Variants in HTT observed in about 807,000 individuals in gnomAD.
HTT encodes the protein huntingtin, also known as huntington disease protein.
HTT carries 104 observed loss-of-function variants against 362.3 expected under a neutral mutation model. That is an observed-to-expected ratio of 0.29 (90% confidence interval 0.24 to 0.34). The LOEUF is 0.34. HTT is among the 10% of genes least tolerant of loss of function. The pLI, the probability that HTT is intolerant of heterozygous loss-of-function variation, is 1.00. For synonymous variants in HTT, 1,577 were observed against 1,548.7 expected (o/e 1.02, Z -0.43); for missense variants, 3,301 against 3,928.6 (o/e 0.84, Z 4.27).
intron 19 of HTT, 64 bp downstream of exon 19, chr4:3,134,604 G>C (rs1205369211): frequency 1.4e-6 from 2 of 1,417,682 alleles, no homozygotes; most frequent in Non-Finnish European, 2.0e-6. Flanking sequence ...GGGATCACTT[G>C]ATGCAAGGAA....
At chr4:3,089,072 T>C (rs1713363868) in intron 2 of HTT, among the ~76,000 whole-genome samples, 1 of 152,230 alleles carries the variant, frequency 6.6e-6, no homozygotes, top group Non-Finnish European at 1.5e-5. Flanking sequence ...TTAGATAAGC[T>C]GTAACGTGTT....
chr4:3,222,427 C>T lies in HTT; in HGVS notation c.7410C>T (p.Thr2470=), dbSNP rs746168301. The T allele has an allele frequency of 1.9e-6, 3 of 1,614,158 alleles. No individual in the cohort carries two copies. Among genetic ancestry groups the T allele is most frequent in the South Asian group, 2.2e-5 (2 of 91,064 alleles). ...SRTQFEETWA[T]LLGVLVTQPL... ...CTCAGTTTGAAGAAACTTGGGCCAC[C>T]CTCCTTGGTGTCCTGGTGACGCAGC... The change falls in exon 54 of 67, where the codon ACC becomes ACT. Residue 2470 remains threonine (T), a synonymous_variant. Coordinates refer to ENST00000355072, the MANE Select transcript of HTT (RefSeq NM_001388492.1).
In HTT at chr4:3,198,215, A is replaced by ATTTTTTTTTTT. The variant is rs200014691; in HGVS notation, c.5369-1499_5369-1489dup. 6.6e-5 allele frequency among the ~76,000 whole-genome samples: 4 copies of ATTTTTTTTTTT among 60,380 alleles called. 1 individual carries two copies. Among genetic ancestry groups the ATTTTTTTTTTT allele is most frequent in the East Asian group, 5.6e-4 (1 of 1,778 alleles). 39.6% of individuals were successfully genotyped at this position (60,380 alleles called of 152,430 possible). A position where few individuals can be genotyped will look rare whatever the true frequency, so the allele number is the denominator to read the frequency against. ...ACCCTTTCACTTTGGGGATGTGTTG[A>ATTTTTTTTTTT]TTTTTTTTTTTTTTTTTTTTTTTTT... is the stretch of plus-strand genomic sequence containing the variant. On this transcript the variant is annotated intron_variant, in intron 40 of 66. Transcript: ENST00000355072.
chr4:3,223,686 C>A, intron 55 of HTT, 126 bp downstream of exon 55: 1 of 908,520 alleles, frequency 1.1e-6, no homozygotes, highest in Non-Finnish European at 1.7e-6. Flanking sequence ...AAACACCGTC[C>A]GTGTGGCCTG....
At chr4:3,112,142 T>C (rs1363498768) in intron 6 of HTT, among the ~76,000 whole-genome samples, 1 of 152,252 alleles carries the variant, frequency 6.6e-6, no homozygotes, top group Non-Finnish European at 1.5e-5. Flanking sequence ...TACATGATTT[T>C]TGTGGGGTTT....
Position 3,228,748 on chromosome 4 carries a change from T to A in HTT, c.7979+3T>A. On this transcript the variant is annotated splice_donor_region_variant and intron_variant, in intron 58 of 66. Transcript: ENST00000355072. This position sits in a 1 kb window ranked among gnomAD's most constrained non-coding sequence, Gnocchi z 4.3. ...CCCACGTCTCCAGTCAACTCCAGGTTTTCCAATGGCCTTTTTCTTTTTAAC... is the reference window on the plus strand; with the variant it reads ...CCCACGTCTCCAGTCAACTCCAGGTATTCCAATGGCCTTTTTCTTTTTAAC... 6.3e-7 allele frequency: 1 copy of A among 1,578,626 alleles called. No individual in the cohort carries two copies. The highest frequency in any genetic ancestry group is 8.6e-7 in the Non-Finnish European group (1 of 1,160,450).
intron 1 of HTT, among the ~76,000 whole-genome samples, chr4:3,082,739 T>C (rs1364020373): frequency 6.6e-6 from 1 of 152,188 alleles, no homozygotes; most frequent in Non-Finnish European, 1.5e-5. Context: ...GTGTTGCTCA[T>C]ATGTGTCCAG....
intron 3 of HTT, among the ~76,000 whole-genome samples, chr4:3,102,790 G>T (rs917454323): frequency 1.3e-5 from 2 of 152,226 alleles, no homozygotes; most frequent in African/African-American, 4.8e-5. Context: ...CCATCCCCTA[G>T]CTTGAGAAGC....
intron 53 of HTT, among the ~76,000 whole-genome samples, chr4:3,221,023 A>G (rs1021554945): frequency 1.3e-5 from 2 of 152,210 alleles, no homozygotes; most frequent in African/African-American, 4.8e-5. Context: ...ATTTGATGGC[A>G]AGAGGTGTGA....
At chr4:3,095,388 T>C (rs1713802379) in intron 2 of HTT, among the ~76,000 whole-genome samples, 1 of 152,110 alleles carries the variant, frequency 6.6e-6, no homozygotes, top group Non-Finnish European at 1.5e-5. Flanking sequence ...CAGTCAGACA[T>C]GGCGGTGCGT....
chr4:3,225,104 G>A (rs1215774746), intron 56 of HTT, among the ~76,000 whole-genome samples: 2 of 151,932 alleles, frequency 1.3e-5, no homozygotes, highest in Non-Finnish European at 2.9e-5. Flanking sequence ...TGGTGCCCGG[G>A]AATTGGGGGG....
At chr4:3,104,036 T>G (rs187044172) in intron 4 of HTT, among the ~76,000 whole-genome samples, 153 bp downstream of exon 4, 14 of 152,324 alleles carry the variant, frequency 9.2e-5, no homozygotes, top group African/African-American at 3.4e-4. Flanking sequence ...CCATGGAAAG[T>G]TGGATATCCA....
In HTT at chr4:3,228,201, G is replaced by A. The variant is rs1255184179; in HGVS notation, c.7849-414G>A. Among the ~76,000 whole-genome samples, 1 of 152,210 alleles carries A rather than the reference G, an allele frequency of 6.6e-6. No individual in the cohort carries two copies. Among genetic ancestry groups the A allele is most frequent in the Non-Finnish European group, 1.5e-5 (1 of 68,040 alleles). ...CGTGATCTAGAGCGCGGGTCACAAA[G>A]GCGCGAGGGAGCTCTGGCCTTGGGT... is the stretch of plus-strand genomic sequence containing the variant. On this transcript the variant is annotated intron_variant, in intron 57 of 66. Transcript: ENST00000355072. This position sits in a 1 kb window ranked among gnomAD's most constrained non-coding sequence, Gnocchi z 4.3.
At chr4:3,232,408 C>T (rs1280810370) in intron 60 of HTT, among the ~76,000 whole-genome samples, 2 of 152,210 alleles carry the variant, frequency 1.3e-5, no homozygotes. Flanking sequence ...GGTGACATTC[C>T]TTGCTGACTT....
At chr4:3,225,549 G>A (rs1720871820) in intron 56 of HTT, 112 bp from the exon 57 acceptor site, 1 of 836,802 alleles carries the variant, frequency 1.2e-6, no homozygotes, top group African/African-American at 1.7e-5. Flanking sequence ...GGCGGCGAGG[G>A]CAGGTGGCTC....
intron 37 of HTT, among the ~76,000 whole-genome samples, chr4:3,183,114 G>T (rs766648016): frequency 6.6e-6 from 1 of 152,194 alleles, no homozygotes; most frequent in Admixed American, 6.5e-5. Flanking sequence ...ACTCCTGGGC[G>T]CAAGTGATCC....
intron 3 of HTT, among the ~76,000 whole-genome samples, 166 bp from the exon 4 acceptor site, chr4:3,103,658 A>G (rs1036240571): frequency 6.6e-6 from 1 of 152,218 alleles, no homozygotes; most frequent in Non-Finnish European, 1.5e-5. Context: ...TTTATTCAGT[A>G]ACTTCCTGCA....
chr4:3,165,663 A>G (rs904559683), intron 29 of HTT, among the ~76,000 whole-genome samples: 4 of 151,592 alleles, frequency 2.6e-5, no homozygotes, highest in African/African-American at 9.7e-5. Flanking sequence ...CATTAATTTG[A>G]TCTTCAATCA....
chr4:3,203,652 C>T (rs929637081), intron 41 of HTT, among the ~76,000 whole-genome samples: 2 of 152,158 alleles, frequency 1.3e-5, no homozygotes, highest in East Asian at 1.9e-4. Flanking sequence ...GCAACTTTCA[C>T]GGCAGATGGA....
Sources: gnomAD v4.1 joint callset for allele counts (sites outside exome capture counted in the v4.1 genomes callset) on GRCh38, gnomAD v4.1.1 for gene constraint, Gnocchi (gnomAD v3.1) non-coding constraint, MANE v1.5 for transcripts, NCBI Gene and HGNC (gene_info 2026-07-23, HGNC 2026-07-21) for gene names.